The following DYNC2I1 variants were observed in gnomAD, a reference collection of about 807,000 sequenced individuals.
The protein encoded by DYNC2I1 is dynein 2 intermediate chain 1.
DYNC2I1 carries 89 observed loss-of-function variants against 133.4 expected under a neutral mutation model. The observed-to-expected ratio is 0.67, with a 90% CI of 0.56 to 0.80. DYNC2I1 has a LOEUF of 0.80. Ranked by LOEUF, DYNC2I1 falls within the 30% of genes least tolerant of loss-of-function variation. The pLI, the probability that DYNC2I1 is intolerant of heterozygous loss-of-function variation, is 0.00. For missense variants in DYNC2I1, 1,291 were observed against 1,314.5 expected (o/e 0.98, Z 0.28); for synonymous variants, 504 against 484.3 (o/e 1.04, Z -0.54).
At chr7:158,892,280 T>G (rs1845301907) in intron 8 of DYNC2I1, among the ~76,000 whole-genome samples, 1 of 152,210 alleles carries the variant, frequency 6.6e-6, no homozygotes, top group Non-Finnish European at 1.5e-5. Flanking sequence ...AAAATTCCTG[T>G]TTTCTTCTTG....
intron 5 of DYNC2I1, among the ~76,000 whole-genome samples, chr7:158,881,538 T>C (rs1237597239): frequency 8.6e-5 from 13 of 151,996 alleles, no homozygotes; most frequent in Non-Finnish European, 1.6e-4. Context: ...ACTGCAACCT[T>C]GGCCTCCCAG....
intron 1 of DYNC2I1, among the ~76,000 whole-genome samples, chr7:158,861,103 T>G (rs1841835785): frequency 6.6e-6 from 1 of 152,212 alleles, no homozygotes; most frequent in African/African-American, 2.4e-5. Flanking sequence ...TCAGAATAAT[T>G]TACTGTTTGT....
At chr7:158,899,871 G>A (rs1212028402) in intron 8 of DYNC2I1, among the ~76,000 whole-genome samples, 9 of 152,144 alleles carry the variant, frequency 5.9e-5, no homozygotes, top group Non-Finnish European at 2.9e-5. Context: ...TATCAGCAGT[G>A]TGAAAACGGA....
chr7:158,895,039 G>A lies in DYNC2I1; in HGVS notation c.1059+3706G>A, dbSNP rs540644054. Among the ~76,000 whole-genome samples the A allele has an allele frequency of 2.0e-5, 3 of 152,240 alleles. No individual in the cohort carries two copies. In the South Asian group the frequency reaches 6.2e-4, roughly 32 times the overall value. ...TTGTTGAGTTTTAAGAGTTCTCTGT[G>A]TGTTTTGGATAACACTGCTTTGTCA... On this transcript the variant is annotated intron_variant, in intron 8 of 24. Transcript: ENST00000407559.
At chr7:158,920,035 G>A (rs533081975) in intron 15 of DYNC2I1, among the ~76,000 whole-genome samples, 11 of 150,740 alleles carry the variant, frequency 7.3e-5, no homozygotes, top group South Asian at 2.1e-4. Context: ...GTACCACAGC[G>A]TGTGGCCTCC....
At chr7:158,866,219 AGC>A (rs1842389096) in intron 1 of DYNC2I1, among the ~76,000 whole-genome samples, 1 of 151,660 alleles carries the variant, frequency 6.6e-6, no homozygotes, top group Admixed American at 6.6e-5. Context: ...CCCTGTGTGC[AGC>A]GCCCACGTCT....
chr7:158,911,142 T>G (rs1187325347), intron 11 of DYNC2I1, among the ~76,000 whole-genome samples: 3 of 152,196 alleles, frequency 2.0e-5, no homozygotes, highest in Admixed American at 2.0e-4. Flanking sequence ...AAACACTTAC[T>G]GGCTGCGTGG....
chr7:158,947,632 C>G (rs1851928658), downstream of DYNC2I1, among the ~76,000 whole-genome samples: 1 of 152,188 alleles, frequency 6.6e-6, no homozygotes, highest in African/African-American at 2.4e-5. Context: ...CAGTGCTGCT[C>G]CTTTAGGGGG....
chr7:158,865,194 G>C (rs536568357), intron 1 of DYNC2I1, among the ~76,000 whole-genome samples: 1 of 152,212 alleles, frequency 6.6e-6, no homozygotes, highest in Non-Finnish European at 1.5e-5. Flanking sequence ...CACCTTGGAG[G>C]TGATACCACC....
At chr7:158,863,669 T>G (rs1011804045) in intron 1 of DYNC2I1, among the ~76,000 whole-genome samples, 249 of 10,722 alleles carry the variant, frequency 0.023, no homozygotes, top group Non-Finnish European at 0.029. Flanking sequence ...GGGGGGGGTG[T>G]GGGGAGAGCG....
At chr7:158,842,115 G>A in the DYNC2I1 span, among the ~76,000 whole-genome samples, 4 of 152,120 alleles carry the variant, frequency 2.6e-5, no homozygotes, top group African/African-American at 9.7e-5. Context: ...TGCAAGCTCC[G>A]CCTCCAGGAT....
chr7:158,916,062 C>T (rs538843486), intron 14 of DYNC2I1, among the ~76,000 whole-genome samples: 1 of 78,500 alleles, frequency 1.3e-5, no homozygotes, highest in Non-Finnish European at 3.1e-5. Flanking sequence ...GATTGTGAAA[C>T]GTTGACACGC....
the DYNC2I1 span, among the ~76,000 whole-genome samples, chr7:158,845,051 A>G: frequency 1.3e-5 from 2 of 152,154 alleles, no homozygotes; most frequent in Admixed American, 1.3e-4. Context: ...CAAAGTTAAC[A>G]TGAATAATTC....
chr7:158,912,600 CTTAAGTAGA>C (rs781249607), intron 12 of DYNC2I1, among the ~76,000 whole-genome samples: 30 of 152,220 alleles, frequency 2.0e-4, no homozygotes, highest in Non-Finnish European at 3.7e-4. Context: ...TCACTCTGAC[CTTAAGTAGA>C]TTATTTATCT....
the DYNC2I1 span, among the ~76,000 whole-genome samples, chr7:158,841,185 A>G: frequency 1.9e-3 from 60 of 31,736 alleles, 1 homozygote; most frequent in Non-Finnish European, 2.7e-3. Context: ...ATATATATAT[A>G]TATATATATA....
At position 158,945,083 on chromosome 7, in the gene DYNC2I1, T is replaced by A. The variant is rs1406899584; in HGVS notation, c.3003-498T>A. On this transcript the variant is annotated intron_variant, in intron 24 of 24. Coordinates refer to ENST00000407559, the MANE Select transcript of DYNC2I1 (RefSeq NM_018051.5). This position sits in a 1 kb window ranked among gnomAD's most constrained non-coding sequence, Gnocchi z 4.1. ...TGGGAGTGAGATCGGGGAGACAGGG[T>A]GGCCACAGGTCTCGTGTTGGGCACT... Among the ~76,000 whole-genome samples, 1 of 151,866 alleles carries A rather than the reference T, an allele frequency of 6.6e-6. No individual in the cohort carries two copies. Among genetic ancestry groups the A allele is most frequent in the Non-Finnish European group, 1.5e-5 (1 of 67,930 alleles).
chr7:158,906,165 A>C, intron 11 of DYNC2I1, 74 bp downstream of exon 11: 1 of 1,368,154 alleles, frequency 7.3e-7, no homozygotes, highest in Non-Finnish European at 1.0e-6. Flanking sequence ...CTTTTAAAAA[A>C]TCGAGTTTTA....
intron 11 of DYNC2I1, among the ~76,000 whole-genome samples, chr7:158,911,321 C>T (rs139610636): frequency 2.6e-5 from 4 of 152,288 alleles, no homozygotes; most frequent in East Asian, 1.9e-4. Flanking sequence ...ACACACGAGG[C>T]AGTCGGGGAG....
At chr7:158,954,178 C>T (rs1563222343) in intron 4 of DYNC2I1, among the ~76,000 whole-genome samples, 1 of 152,162 alleles carries the variant, frequency 6.6e-6, no homozygotes, top group Non-Finnish European at 1.5e-5. Context: ...TGCCTTTGGC[C>T]ATGATTGTGA....
Sources: gnomAD v4.1 joint callset for allele counts (sites outside exome capture counted in the v4.1 genomes callset) on GRCh38, gnomAD v4.1.1 for gene constraint, Gnocchi (gnomAD v3.1) non-coding constraint, MANE v1.5 for transcripts, NCBI Gene and HGNC (gene_info 2026-07-23, HGNC 2026-07-21) for gene names.